FAM171A1: variants seen among roughly 807,000 people sequenced by gnomAD.
FAM171A1 encodes the protein protein FAM171A1.
Under a neutral mutation model 74.9 loss-of-function variants are expected in FAM171A1, and 23 were observed. The observed-to-expected ratio is 0.31, with a 90% CI of 0.22 to 0.44. The LOEUF (loss-of-function observed/expected upper bound fraction) is 0.44. FAM171A1 is among the 20% of genes least tolerant of loss of function. The pLI is 1.00. For missense variants in FAM171A1, 1,162 were observed against 1,159.2 expected (o/e 1.00, Z -0.03); for synonymous variants, 527 against 505.7 (o/e 1.04, Z -0.57).
chr10:15,262,770 A>C (rs372269328), intron 3 of FAM171A1, among the ~76,000 whole-genome samples: 1 of 152,236 alleles, frequency 6.6e-6, no homozygotes, highest in Non-Finnish European at 1.5e-5. Context: ...TGAAAGGCTC[A>C]GCATAAATCC....
rs746840218 is a variant in FAM171A1 at position 15,371,067 on chromosome 10, C to T, written c.-15G>A. On this transcript the variant is annotated 5_prime_UTR_variant, in exon 1 of 8. Coordinates refer to ENST00000378116, the MANE Select transcript of FAM171A1 (RefSeq NM_001010924.2). ...GACCTGCTCATCTCCGCCGCGGGGCCGGCGGCGGCTCGGGCTCGCCGAGAG... is the reference window on the plus strand; with the variant it reads ...GACCTGCTCATCTCCGCCGCGGGGCTGGCGGCGGCTCGGGCTCGCCGAGAG... 3.8e-4 allele frequency: 410 copies of T among 1,070,570 alleles called. No homozygotes were observed. The highest frequency in any genetic ancestry group is 4.2e-4 in the Non-Finnish European group (367 of 874,346). 66.3% of individuals were successfully genotyped at this position (1,070,570 alleles called of 1,614,324 possible).
At chr10:15,242,889 C>G (rs773880865) in intron 5 of FAM171A1, among the ~76,000 whole-genome samples, 1 of 152,232 alleles carries the variant, frequency 6.6e-6, no homozygotes, top group Non-Finnish European at 1.5e-5. Context: ...AATGGGCTAA[C>G]TTATATTTCA....
At chr10:15,368,611 G>A (rs1182833813) in intron 1 of FAM171A1, among the ~76,000 whole-genome samples, 1 of 152,188 alleles carries the variant, frequency 6.6e-6, no homozygotes, top group African/African-American at 2.4e-5. Context: ...ACTAAAGGTT[G>A]CGTTATGGTG....
At chr10:15,227,489 C>T (rs554238368) in intron 5 of FAM171A1, among the ~76,000 whole-genome samples, 47 of 152,170 alleles carry the variant, frequency 3.1e-4, no homozygotes, top group Non-Finnish European at 6.6e-4. Context: ...CTCAAGGGAT[C>T]CTCCCATCTC....
intron 6 of FAM171A1, 36 bp from the exon 7 acceptor site, chr10:15,216,146 C>A (rs1355678878): frequency 1.5e-6 from 2 of 1,313,540 alleles, no homozygotes; most frequent in South Asian, 1.3e-5. Flanking sequence ...GAGTTTTGAA[C>A]ACCTTTAACT....
In FAM171A1 at chr10:15,229,955, C is replaced by T. The variant is rs145669554; in HGVS notation, c.755-8895G>A. On this transcript the variant is annotated intron_variant, in intron 5 of 7. Transcript: ENST00000378116. ...TCATCACCATCACCATCATCACCAT[C>T]AGGCGTTTCCAGATCCCTGAATATG... Among the ~76,000 whole-genome samples the T allele has an allele frequency of 5.7e-3, 833 of 145,994 alleles. 22 individuals are homozygous for T. The highest frequency in any genetic ancestry group is 7.0e-3 in the Non-Finnish European group (454 of 64,896).
chr10:15,261,286 G>A (rs562896367), intron 3 of FAM171A1, among the ~76,000 whole-genome samples: 95 of 152,284 alleles, frequency 6.2e-4, no homozygotes, highest in African/African-American at 2.2e-3. Flanking sequence ...CTGCCCTGGG[G>A]CTCTTTTCTG....
intron 3 of FAM171A1, among the ~76,000 whole-genome samples, chr10:15,260,133 T>C (rs1044648645): frequency 2.0e-5 from 3 of 152,114 alleles, no homozygotes; most frequent in African/African-American, 7.2e-5. Context: ...GGCCTCTCTG[T>C]GTATATACAT....
At chr10:15,303,865 C>T (rs556993041) in intron 1 of FAM171A1, among the ~76,000 whole-genome samples, 3 of 152,172 alleles carry the variant, frequency 2.0e-5, no homozygotes, top group Admixed American at 1.3e-4. Context: ...GGAATACAAG[C>T]GTGGGCAGAA....
intron 1 of FAM171A1, among the ~76,000 whole-genome samples, chr10:15,301,699 G>C (rs529370169): frequency 6.6e-6 from 1 of 152,278 alleles, no homozygotes; most frequent in African/African-American, 2.4e-5. Context: ...GGGAAATGGG[G>C]TTCAGGGAAC....
chr10:15,342,642 C>T (rs1835777934), intron 1 of FAM171A1, among the ~76,000 whole-genome samples: 1 of 152,138 alleles, frequency 6.6e-6, no homozygotes, highest in Admixed American at 6.6e-5. Context: ...GTGCTTATAC[C>T]TAATTGGATT....
At chr10:15,316,065 T>TA (rs1221060674) in intron 1 of FAM171A1, among the ~76,000 whole-genome samples, 1 of 152,238 alleles carries the variant, frequency 6.6e-6, no homozygotes, top group African/African-American at 2.4e-5. Context: ...CTTTAGCACA[T>TA]AATTATTTTC....
At chr10:15,303,945 G>C (rs948236101) in intron 1 of FAM171A1, among the ~76,000 whole-genome samples, 2 of 152,210 alleles carry the variant, frequency 1.3e-5, no homozygotes, top group African/African-American at 4.8e-5. Flanking sequence ...TCCTTGTGCG[G>C]GAGCCACATG....
chr10:15,335,303 A>G, intron 1 of FAM171A1, among the ~76,000 whole-genome samples: 1 of 152,154 alleles, frequency 6.6e-6, no homozygotes, highest in East Asian at 1.9e-4. Context: ...ACAAAAACAG[A>G]TTTAAACACT....
At chr10:15,257,708 G>A (rs1834598789) in intron 3 of FAM171A1, among the ~76,000 whole-genome samples, 1 of 152,020 alleles carries the variant, frequency 6.6e-6, no homozygotes, top group Non-Finnish European at 1.5e-5. Flanking sequence ...CATCCATGAG[G>A]GACTAAACAC....
chr10:15,309,415 C>T (rs772713949), intron 1 of FAM171A1, among the ~76,000 whole-genome samples: 3 of 152,232 alleles, frequency 2.0e-5, no homozygotes, highest in Non-Finnish European at 4.4e-5. Flanking sequence ...ACTATGTTGC[C>T]CAGGCTGGTC....
At chr10:15,259,395 C>T (rs899927260) in intron 3 of FAM171A1, among the ~76,000 whole-genome samples, 1 of 152,074 alleles carries the variant, frequency 6.6e-6, no homozygotes, top group African/African-American at 2.4e-5. Context: ...CATGTCCTTT[C>T]CCTGCCCAGA....
Position 15,254,837 on chromosome 10 carries a change from A to G in FAM171A1, c.461T>C (p.Leu154Pro). 6.2e-7 allele frequency: 1 copy of G among 1,614,156 alleles called. No homozygotes were observed. Among genetic ancestry groups the G allele is most frequent in the Non-Finnish European group, 8.5e-7 (1 of 1,179,970 alleles). Residue 154 changes from leucine to proline, a missense_variant, in exon 4 of 8, where the codon CTG becomes CCG. Coordinates refer to ENST00000378116, the MANE Select transcript of FAM171A1 (RefSeq NM_001010924.2). The part of the protein sequence containing the change: ...QPRVHFQRRA[L>P]RLPENTSYSD... ...GTAGCTGGTGTTCTCAGGCAACCTC[A>G]GAGCCCTTCTCTGGAAATGAACGCG...
At chr10:15,308,648 AAAACAAACAAAC>A (rs376025721) in intron 1 of FAM171A1, among the ~76,000 whole-genome samples, 5 of 152,016 alleles carry the variant, frequency 3.3e-5, no homozygotes, top group Non-Finnish European at 7.4e-5. Context: ...TCTGTCTCAA[AAAACAAACAAAC>A]AAACAAACAA....
Sources: allele counts gnomAD v4.1 joint callset (sites outside exome capture counted in the v4.1 genomes callset), GRCh38; gene constraint gnomAD v4.1.1; transcripts MANE v1.5; gene names NCBI Gene and HGNC (gene_info 2026-07-23, HGNC 2026-07-21).